The following KCNJ6 variants were observed in gnomAD, a reference collection of about 807,000 sequenced individuals.
The protein encoded by KCNJ6 is G protein-activated inward rectifier potassium channel 2.
Under a neutral mutation model 34.2 loss-of-function variants are expected in KCNJ6, and 9 were observed. The observed-to-expected ratio is 0.26, with a 90% CI of 0.16 to 0.46. The LOEUF is 0.46. Ranked by LOEUF, KCNJ6 falls within the 20% of genes least tolerant of loss-of-function variation. KCNJ6 has a pLI of 1.00. For missense variants in KCNJ6, 236 were observed against 531.3 expected (o/e 0.44, Z 5.46); for synonymous variants, 196 against 207.1 (o/e 0.95, Z 0.46).
At chr21:37,703,283 G>A (rs1204858549) in intron 3 of KCNJ6, among the ~76,000 whole-genome samples, 1 of 152,142 alleles carries the variant, frequency 6.6e-6, no homozygotes, top group Non-Finnish European at 1.5e-5. Context: ...GGCCCTTGAT[G>A]GAACAGGGCT....
At chr21:37,910,491 C>T (rs1184488669) in intron 1 of KCNJ6, among the ~76,000 whole-genome samples, 1 of 152,188 alleles carries the variant, frequency 6.6e-6, no homozygotes, top group African/African-American at 2.4e-5. Flanking sequence ...TCTCACATTG[C>T]ATATAATACC....
At chr21:37,792,994 C>A (rs1025732192) in intron 2 of KCNJ6, among the ~76,000 whole-genome samples, 1 of 152,124 alleles carries the variant, frequency 6.6e-6, no homozygotes, top group Admixed American at 6.5e-5. Flanking sequence ...GATGTACCAG[C>A]TAAGGGTGCT....
At chr21:37,659,276 C>T (rs193064128) in intron 3 of KCNJ6, among the ~76,000 whole-genome samples, 4 of 152,328 alleles carry the variant, frequency 2.6e-5, no homozygotes, top group African/African-American at 7.2e-5. Flanking sequence ...TTCCTGACCA[C>T]GAACTGAGCA....
chr21:37,820,915 C>T (rs930171827), intron 2 of KCNJ6, among the ~76,000 whole-genome samples: 14 of 152,192 alleles, frequency 9.2e-5, no homozygotes, highest in African/African-American at 3.1e-4. Context: ...GAAAATAACC[C>T]TCTGTGTTCA....
At chr21:37,863,616 A>C (rs1054199739) in intron 1 of KCNJ6, among the ~76,000 whole-genome samples, 1 of 152,188 alleles carries the variant, frequency 6.6e-6, no homozygotes, top group Admixed American at 6.5e-5. Context: ...AAGGTTATTA[A>C]AATATTATTA....
At chr21:37,779,927 A>G (rs1229437414) in intron 2 of KCNJ6, among the ~76,000 whole-genome samples, 1 of 152,204 alleles carries the variant, frequency 6.6e-6, no homozygotes, top group Non-Finnish European at 1.5e-5. Context: ...ATCTTAAACC[A>G]AGATGTGGAG....
intron 1 of KCNJ6, among the ~76,000 whole-genome samples, chr21:37,870,442 C>T (rs1271932896): frequency 6.6e-6 from 1 of 152,190 alleles, no homozygotes; most frequent in Admixed American, 6.5e-5. Flanking sequence ...GGCAAAGACC[C>T]AAACCCATCC....
intron 3 of KCNJ6, among the ~76,000 whole-genome samples, chr21:37,655,220 TGTGTGAGAGAGAGA>T (rs2054455679): frequency 6.7e-4 from 6 of 8,912 alleles, no homozygotes; most frequent in Non-Finnish European, 2.9e-3. Context: ...TGTGTGTGTG[TGTGTGAGAGAGAGA>T]GAGAGAGAGA....
intron 1 of KCNJ6, among the ~76,000 whole-genome samples, chr21:37,856,845 G>C (rs1391270617): frequency 1.3e-5 from 2 of 152,156 alleles, no homozygotes; most frequent in Admixed American, 1.3e-4. Context: ...GAAGTTGTAT[G>C]GTTTGGGTAT....
chr21:37,880,850 A>G (rs2055704176), intron 1 of KCNJ6, among the ~76,000 whole-genome samples: 1 of 152,236 alleles, frequency 6.6e-6, no homozygotes, highest in African/African-American at 2.4e-5. Context: ...CTCCAAGGAA[A>G]ACAGATGAGA....
intron 2 of KCNJ6, among the ~76,000 whole-genome samples, chr21:37,830,936 G>A (rs1344187822): frequency 2.6e-5 from 4 of 152,186 alleles, no homozygotes; most frequent in African/African-American, 4.8e-5. Flanking sequence ...GGAAATGGCC[G>A]TTAGGGGGAA....
chr21:37,780,473 G>A (rs895592352), intron 2 of KCNJ6, among the ~76,000 whole-genome samples: 4 of 151,374 alleles, frequency 2.6e-5, no homozygotes, highest in Admixed American at 6.6e-5. Context: ...GACTCTAGCT[G>A]ATAATAATAT....
intron 2 of KCNJ6, among the ~76,000 whole-genome samples, chr21:37,816,051 C>T (rs1444497123): frequency 2.0e-5 from 3 of 152,154 alleles, no homozygotes; most frequent in Non-Finnish European, 4.4e-5. Flanking sequence ...AGGGTGTTGG[C>T]CATGCTGGCC....
intron 2 of KCNJ6, among the ~76,000 whole-genome samples, chr21:37,829,106 G>A (rs963308629): frequency 1.3e-5 from 2 of 152,098 alleles, no homozygotes; most frequent in South Asian, 4.1e-4. Flanking sequence ...TGTTACCAGA[G>A]GTTGATGGGA....
chr21:37,897,691 T>C (rs2055795732), intron 1 of KCNJ6, among the ~76,000 whole-genome samples: 1 of 152,186 alleles, frequency 6.6e-6, no homozygotes, highest in Non-Finnish European at 1.5e-5. Flanking sequence ...CTACCTCGGA[T>C]TTCCTGCATC....
intron 2 of KCNJ6, among the ~76,000 whole-genome samples, chr21:37,721,006 C>G (rs945397983): frequency 1.8e-4 from 27 of 152,176 alleles, no homozygotes; most frequent in Admixed American, 7.2e-4. Context: ...CGCGCCCGGC[C>G]GAGAAAACAT....
intron 1 of KCNJ6, among the ~76,000 whole-genome samples, chr21:37,892,875 T>C (rs1484813959): frequency 2.0e-5 from 3 of 147,058 alleles, no homozygotes; most frequent in African/African-American, 5.1e-5. Context: ...TTTTTTGAGA[T>C]GGAGTCTTGC....
At chr21:37,647,058 ATGGAGCCCTTTCATC>A (rs2054408653) in intron 3 of KCNJ6, among the ~76,000 whole-genome samples, 1 of 152,062 alleles carries the variant, frequency 6.6e-6, no homozygotes. Context: ...ACGGGGAGGG[ATGGAGCCCTTTCATC>A]TGTCCTATTT....
At position 37,614,576 on chromosome 21, in the gene KCNJ6, GTC is replaced by G. The variant is rs1267216466; in HGVS notation, c.*10581_*10582del. The G allele has an allele frequency of 7.5e-5, 9 of 120,202 alleles. No individual in the cohort carries two copies. Among genetic ancestry groups the G allele is most frequent in the Admixed American group, 2.5e-4 (3 of 12,224 alleles). 7.4% of individuals were successfully genotyped at this position (120,202 alleles called of 1,614,324 possible). A position where few individuals can be genotyped will look rare whatever the true frequency, so the allele number is the denominator to read the frequency against. ...TGTGTATGCGTGTGTGTATGCATGT[GTC>G]TCTGTATGCATGTGTGTGTATGCAT... On this transcript the variant is annotated 3_prime_UTR_variant, in exon 4 of 4. Transcript: ENST00000609713.
Sources: gnomAD v4.1 joint callset for allele counts (sites outside exome capture counted in the v4.1 genomes callset) on GRCh38, gnomAD v4.1.1 for gene constraint, MANE v1.5 for transcripts, NCBI Gene and HGNC (gene_info 2026-07-23, HGNC 2026-07-21) for gene names.